The following ELMO1 variants were observed in gnomAD, a reference collection of about 807,000 sequenced individuals.
ELMO1 encodes engulfment and cell motility 1.
A neutral mutation model predicts 98.9 loss-of-function variants in ELMO1; 26 were observed. That is an observed-to-expected ratio of 0.26 (90% confidence interval 0.19 to 0.36). The LOEUF (loss-of-function observed/expected upper bound fraction) is 0.36. Among genes scored for constraint, ELMO1 ranks in the 10% least tolerant of loss-of-function variants. ELMO1 has a pLI of 1.00. For missense variants in ELMO1, 627 were observed against 935.2 expected (o/e 0.67, Z 4.30); for synonymous variants, 346 against 346.0 (o/e 1.00, Z 0.00).
At chr7:37,087,863 G>A (rs962551375) in intron 15 of ELMO1, among the ~76,000 whole-genome samples, 1 of 152,178 alleles carries the variant, frequency 6.6e-6, no homozygotes, top group African/African-American at 2.4e-5. Flanking sequence ...ATAAACAGTA[G>A]AAAGCATAAC....
intron 2 of ELMO1, among the ~76,000 whole-genome samples, chr7:37,319,890 T>C (rs535599937): frequency 6.6e-6 from 1 of 152,224 alleles, no homozygotes; most frequent in African/African-American, 2.4e-5. Flanking sequence ...CCAATCCCCA[T>C]GTCAACTATA....
intron 1 of ELMO1, among the ~76,000 whole-genome samples, chr7:37,430,015 TG>T (rs1804865732): frequency 6.6e-6 from 1 of 152,246 alleles, no homozygotes; most frequent in African/African-American, 2.4e-5. Flanking sequence ...GATTTGTGTT[TG>T]GGATCCATCA....
intron 8 of ELMO1, among the ~76,000 whole-genome samples, chr7:37,225,565 A>C (rs1414955197): frequency 6.6e-6 from 1 of 152,202 alleles, no homozygotes; most frequent in Non-Finnish European, 1.5e-5. Context: ...CCACTCTCTT[A>C]AACGAAAAAC....
At chr7:36,948,917 A>G (rs1288006852) in intron 16 of ELMO1, among the ~76,000 whole-genome samples, 1 of 152,114 alleles carries the variant, frequency 6.6e-6, no homozygotes, top group African/African-American at 2.4e-5. Context: ...GTGCAATGGT[A>G]CGATCTTGGC....
intron 15 of ELMO1, among the ~76,000 whole-genome samples, chr7:37,027,049 C>A (rs1163320568): frequency 6.6e-6 from 1 of 152,134 alleles, no homozygotes; most frequent in Non-Finnish European, 1.5e-5. Context: ...AGTCCTCCTG[C>A]AGCTGGGCCA....
intron 14 of ELMO1, among the ~76,000 whole-genome samples, chr7:37,124,657 C>T (rs373759099): frequency 6.6e-6 from 1 of 152,212 alleles, no homozygotes; most frequent in East Asian, 1.9e-4. Flanking sequence ...AATGGAAGAA[C>T]ATTCCATGCT....
At chr7:37,197,135 G>A (rs558319857) in intron 13 of ELMO1, 1 of 152,310 alleles carries the variant, frequency 6.6e-6, no homozygotes, top group African/African-American at 2.4e-5. Context: ...ACCATCTCGG[G>A]AGTGTGCACC....
intron 1 of ELMO1, among the ~76,000 whole-genome samples, chr7:37,371,037 A>T (rs972675886): frequency 5.9e-5 from 9 of 152,252 alleles, no homozygotes; most frequent in Non-Finnish European, 8.8e-5. Context: ...AGAAAAAATT[A>T]ACTGTCCCAT....
intron 16 of ELMO1, among the ~76,000 whole-genome samples, chr7:36,971,384 G>T (rs1183634350): frequency 6.6e-6 from 1 of 152,192 alleles, no homozygotes; most frequent in African/African-American, 2.4e-5. Flanking sequence ...CCATCCCAAA[G>T]GATACACTTA....
chr7:37,208,566 T>C (rs1436217520), intron 13 of ELMO1, among the ~76,000 whole-genome samples: 1 of 152,202 alleles, frequency 6.6e-6, no homozygotes, highest in Non-Finnish European at 1.5e-5. Flanking sequence ...CAGAGAGAAT[T>C]CTGCACGAGA....
At chr7:36,864,655 T>C (rs1267720119) in intron 20 of ELMO1, among the ~76,000 whole-genome samples, 1 of 152,162 alleles carries the variant, frequency 6.6e-6, no homozygotes, top group Non-Finnish European at 1.5e-5. Flanking sequence ...GTCCACACTG[T>C]CCATGAGGGA....
chr7:37,123,295 C>T (rs1786227801), intron 14 of ELMO1, among the ~76,000 whole-genome samples: 1 of 151,906 alleles, frequency 6.6e-6, no homozygotes, highest in African/African-American at 2.4e-5. Context: ...CAGAGCAGAA[C>T]TGAAGGAGAT....
At chr7:37,112,762 T>G (rs893966343) in intron 14 of ELMO1, among the ~76,000 whole-genome samples, 6 of 152,202 alleles carry the variant, frequency 3.9e-5, no homozygotes, top group Non-Finnish European at 7.3e-5. Flanking sequence ...GTTGATAAAA[T>G]TAAGGTCAAT....
At chr7:36,877,897 T>C (rs1584292362) in intron 19 of ELMO1, 113 bp downstream of exon 19, 2 of 763,198 alleles carry the variant, frequency 2.6e-6, no homozygotes, top group East Asian at 5.4e-5. Context: ...TACAACTAGA[T>C]GAGATGTGTT....
At chr7:37,069,177 T>C (rs1235461925) in intron 15 of ELMO1, among the ~76,000 whole-genome samples, 1 of 152,242 alleles carries the variant, frequency 6.6e-6, no homozygotes, top group Non-Finnish European at 1.5e-5. Context: ...GGTTACCATT[T>C]ACTCCCAGGG....
intron 13 of ELMO1, among the ~76,000 whole-genome samples, chr7:37,166,502 G>A (rs1381812354): frequency 6.6e-6 from 1 of 152,024 alleles, no homozygotes; most frequent in Non-Finnish European, 1.5e-5. Flanking sequence ...TCTAAACACT[G>A]CTTTGAATGT....
chr7:37,203,064 G>A (rs572789588), intron 13 of ELMO1, among the ~76,000 whole-genome samples: 2 of 152,278 alleles, frequency 1.3e-5, no homozygotes, highest in East Asian at 3.9e-4. Context: ...GATCAGAATA[G>A]TTGCACTCAC....
intron 2 of ELMO1, among the ~76,000 whole-genome samples, chr7:37,316,970 T>G (rs1298623615): frequency 6.6e-6 from 1 of 152,154 alleles, no homozygotes; most frequent in Non-Finnish European, 1.5e-5. Flanking sequence ...GTAACCGCAA[T>G]TTTCTTCATT....
At position 37,342,692 on chromosome 7, in the gene ELMO1, G is replaced by C; in HGVS notation, c.-2C>G. The stretch of plus-strand genomic sequence containing the variant: ...GACGATGTCCGCGGGTGGCGGCATT[G>C]TAAGTCCCCAAAATGTTCAAAGCCA... On this transcript the variant is annotated 5_prime_UTR_variant, in exon 2 of 22. Transcript: ENST00000310758. The surrounding 1 kb of genome is among the most constrained non-coding windows in gnomAD (Gnocchi z 4.3). 2 of 1,609,810 alleles carry C rather than the reference G, an allele frequency of 1.2e-6. No homozygotes were observed. Among genetic ancestry groups the C allele is most frequent in the Non-Finnish European group, 1.7e-6 (2 of 1,178,390 alleles).
Sources: allele counts gnomAD v4.1 joint callset (sites outside exome capture counted in the v4.1 genomes callset), GRCh38; gene constraint gnomAD v4.1.1; non-coding constraint Gnocchi (gnomAD v3.1); transcripts MANE v1.5; gene names NCBI Gene and HGNC (gene_info 2026-07-23, HGNC 2026-07-21).